Variants in PCDHA10 observed in about 807,000 individuals in gnomAD.
PCDHA10 encodes protocadherin alpha 10.
PCDHA10 carries 45 observed loss-of-function variants against 61.2 expected under a neutral mutation model. The ratio of observed to expected loss-of-function variants is 0.74; its 90% confidence interval spans 0.58 to 0.94. The LOEUF (loss-of-function observed/expected upper bound fraction) is 0.94, where lower values mean the gene tolerates loss of function less well. PCDHA10 is among the 40% of genes least tolerant of loss of function. The pLI is 0.00. For missense variants in PCDHA10, 1,278 were observed against 1,236.2 expected (o/e 1.03, Z -0.51); for synonymous variants, 602 against 548.8 (o/e 1.10, Z -1.35).
chr5:140,871,152 G>A (rs376980257), intron 1 of PCDHA10: 4 of 1,613,318 alleles, frequency 2.5e-6, no homozygotes, highest in South Asian at 1.1e-5. Context: ...GGACTTTGGC[G>A]GGCGCCGCGA....
chr5:140,866,444 T>G (rs1399450824), intron 1 of PCDHA10: 1 of 152,130 alleles, frequency 6.6e-6, no homozygotes, highest in African/African-American at 2.4e-5. Context: ...TTCTTCAGTC[T>G]TATTGTTGGC....
chr5:140,862,489 C>T (rs1385240823), intron 1 of PCDHA10: 1 of 384,600 alleles, frequency 2.6e-6, no homozygotes, highest in Non-Finnish European at 5.2e-6. Context: ...TGTTGGTAAT[C>T]GCTCGGAATG....
At chr5:140,924,738 T>C (rs2153573504) in intron 1 of PCDHA10, among the ~76,000 whole-genome samples, 1 of 151,522 alleles carries the variant, frequency 6.6e-6, no homozygotes, top group Admixed American at 6.6e-5. Flanking sequence ...CTAATAAAAA[T>C]ACAAAAATTA....
intron 1 of PCDHA10, chr5:140,967,345 CGAGCTG>C (rs1443872198): frequency 1.2e-6 from 2 of 1,607,634 alleles, no homozygotes; most frequent in Non-Finnish European, 1.7e-6. Context: ...GCGAGCACTT[CGAGCTG>C]GACCTTAAGC....
At chr5:140,984,041 T>A (rs1440161569) in intron 3 of PCDHA10, among the ~76,000 whole-genome samples, 1 of 152,196 alleles carries the variant, frequency 6.6e-6, no homozygotes, top group Non-Finnish European at 1.5e-5. Flanking sequence ...CATAAAATAG[T>A]TCATTGACAA....
chr5:140,925,172 C>T (rs1176049315), intron 1 of PCDHA10, among the ~76,000 whole-genome samples: 2 of 151,994 alleles, frequency 1.3e-5, no homozygotes, highest in Admixed American at 6.6e-5. Context: ...TGTAATTGAC[C>T]CCAATGTACC....
chr5:140,973,105 G>C (rs1166565820), intron 1 of PCDHA10, among the ~76,000 whole-genome samples: 1 of 152,180 alleles, frequency 6.6e-6, no homozygotes, highest in Non-Finnish European at 1.5e-5. Flanking sequence ...AATTATGAAA[G>C]AGTAGCAGAG....
At chr5:140,941,198 TCTTC>T (rs202127003) in intron 1 of PCDHA10, among the ~76,000 whole-genome samples, 9,614 of 119,776 alleles carry the variant, frequency 0.08, 511 homozygotes, top group Non-Finnish European at 0.089. Context: ...TTTTTTTCTT[TCTTC>T]CTTTCTTTCT....
intron 3 of PCDHA10, among the ~76,000 whole-genome samples, chr5:140,986,945 C>G (rs1295830111): frequency 1.3e-5 from 2 of 151,946 alleles, no homozygotes; most frequent in Non-Finnish European, 2.9e-5. Context: ...TGGGTGTGGT[C>G]GCTCATGCCT....
chr5:140,875,173 A>G (rs567403390), intron 1 of PCDHA10: 75 of 394,970 alleles, frequency 1.9e-4, no homozygotes, highest in Non-Finnish European at 2.9e-4. Context: ...AAGTCGAAAC[A>G]TTAGAATTAA....
intron 1 of PCDHA10, among the ~76,000 whole-genome samples, chr5:140,951,776 T>C (rs1301757181): frequency 2.6e-5 from 4 of 152,140 alleles, no homozygotes; most frequent in East Asian, 1.9e-4. Context: ...CGTTCTTACA[T>C]TGCAAAATAC....
chr5:141,003,648 G>A lies in PCDHA10; in HGVS notation c.2537-5979G>A, dbSNP rs1314983871. On this transcript the variant is annotated intron_variant, in intron 3 of 3. Transcript: ENST00000307360. ...GTTTTTAAAGTAGAAGTGAAGATCTGTATGCATTTATTAAAATATATGTTG... is the reference window on the plus strand; with the variant it reads ...GTTTTTAAAGTAGAAGTGAAGATCTATATGCATTTATTAAAATATATGTTG... Among the ~76,000 whole-genome samples the A allele has an allele frequency of 3.3e-5, 5 of 152,226 alleles. No individual in the cohort carries two copies. In the South Asian group the frequency reaches 6.2e-4, roughly 19 times the overall value.
chr5:140,915,838 A>AG (rs1359061531), intron 1 of PCDHA10, among the ~76,000 whole-genome samples: 1 of 152,154 alleles, frequency 6.6e-6, no homozygotes, highest in Admixed American at 6.5e-5. Flanking sequence ...TAAGATCAGC[A>AG]GGGGGTGACA....
chr5:140,909,254 G>T (rs915513119), intron 1 of PCDHA10, among the ~76,000 whole-genome samples: 1 of 152,216 alleles, frequency 6.6e-6, no homozygotes, highest in Non-Finnish European at 1.5e-5. Context: ...TGCTGGCCTT[G>T]CTGACTGAAG....
At chr5:140,943,608 T>C (rs1585137347) in intron 1 of PCDHA10, among the ~76,000 whole-genome samples, 1 of 152,184 alleles carries the variant, frequency 6.6e-6, no homozygotes, top group Non-Finnish European at 1.5e-5. Flanking sequence ...ATATAGACTT[T>C]GATTCATCTG....
At chr5:140,876,361 C>T (rs1554168496) in intron 1 of PCDHA10, 1 of 1,613,880 alleles carries the variant, frequency 6.2e-7, no homozygotes. Flanking sequence ...TTCAATAAAT[C>T]CAGACACAGG....
At chr5:140,888,753 AC>A (rs1372547782) in intron 1 of PCDHA10, among the ~76,000 whole-genome samples, 1 of 149,022 alleles carries the variant, frequency 6.7e-6, no homozygotes, top group African/African-American at 2.5e-5. Context: ...TATTCTACCC[AC>A]TTTTTTTTTT....
intron 1 of PCDHA10, chr5:140,968,844 G>A: frequency 1.2e-6 from 2 of 1,614,210 alleles, no homozygotes; most frequent in African/African-American, 1.3e-5. Context: ...GACACTCAGA[G>A]GCATGTTAAG....
chr5:140,882,061 G>GT, intron 1 of PCDHA10: 1 of 816,902 alleles, frequency 1.2e-6, no homozygotes, highest in Non-Finnish European at 1.9e-6. Flanking sequence ...ACACTTACAC[G>GT]TTCATGCGCA....
Sources: allele counts gnomAD v4.1 joint callset (sites outside exome capture counted in the v4.1 genomes callset), GRCh38; gene constraint gnomAD v4.1.1; transcripts MANE v1.5; gene names NCBI Gene and HGNC (gene_info 2026-07-23, HGNC 2026-07-21).